The following PHF21A variants were observed in gnomAD, a reference collection of about 807,000 sequenced individuals.
PHF21A encodes the protein BHC80a.
In PHF21A, 11 loss-of-function variants were observed where a neutral mutation model predicts 82.5. That is an observed-to-expected ratio of 0.13 (90% CI 0.08 to 0.22). PHF21A has a LOEUF of 0.22. Among genes scored for constraint, PHF21A ranks in the 10% least tolerant of loss-of-function variants. The probability of loss-of-function intolerance (pLI) is 1.00; values close to 1 mark genes in which losing one functional copy is unlikely to be tolerated. For synonymous variants in PHF21A, 297 were observed against 302.8 expected (o/e 0.98, Z 0.20); for missense variants, 579 against 837.8 (o/e 0.69, Z 3.81).
At chr11:45,958,353 A>T (rs1382865984) in intron 10 of PHF21A, among the ~76,000 whole-genome samples, 5 of 132,622 alleles carry the variant, frequency 3.8e-5, no homozygotes, top group African/African-American at 1.4e-4. Context: ...GCTTGAGCTC[A>T]GGGGTTCAAG....
intron 6 of PHF21A, among the ~76,000 whole-genome samples, chr11:46,015,797 A>T (rs1274474919): frequency 6.6e-6 from 1 of 152,146 alleles, no homozygotes; most frequent in Non-Finnish European, 1.5e-5. Context: ...GTCTTCACAG[A>T]CAACAACATC....
intron 4 of PHF21A, among the ~76,000 whole-genome samples, chr11:46,083,055 A>G (rs1395235221): frequency 6.6e-6 from 1 of 152,206 alleles, no homozygotes; most frequent in East Asian, 1.9e-4. Flanking sequence ...CTTGCCATTC[A>G]GCCAAACTGG....
intron 10 of PHF21A, among the ~76,000 whole-genome samples, chr11:45,956,404 GA>G (rs1159307590): frequency 1.3e-5 from 2 of 152,092 alleles, no homozygotes; most frequent in Admixed American, 1.3e-4. Context: ...CAACATAAAG[GA>G]GGGGCAGAGC....
intron 6 of PHF21A, among the ~76,000 whole-genome samples, chr11:46,061,647 C>T (rs1446760109): frequency 6.6e-6 from 1 of 152,112 alleles, no homozygotes; most frequent in Non-Finnish European, 1.5e-5. Flanking sequence ...ATATATTGGT[C>T]CACTTTCTTA....
At chr11:46,058,748 C>T (rs1270333945) in intron 6 of PHF21A, among the ~76,000 whole-genome samples, 1 of 152,108 alleles carries the variant, frequency 6.6e-6, no homozygotes, top group East Asian at 1.9e-4. Flanking sequence ...AATATGGTCC[C>T]CTGGCTCAAA....
chr11:46,022,814 G>A (rs949834070), intron 6 of PHF21A, among the ~76,000 whole-genome samples: 5 of 151,946 alleles, frequency 3.3e-5, no homozygotes, highest in Admixed American at 6.5e-5. Flanking sequence ...ACGGAGTCTC[G>A]GTCTATTACC....
chr11:46,111,258 C>A (rs1430001025), intron 1 of PHF21A, among the ~76,000 whole-genome samples: 1 of 151,304 alleles, frequency 6.6e-6, no homozygotes, highest in Admixed American at 6.6e-5. Context: ...CACTTGAGGC[C>A]AAGAGTTAAG....
At chr11:46,076,724 A>C in intron 6 of PHF21A, 30 bp downstream of exon 6, 1 of 1,581,554 alleles carries the variant, frequency 6.3e-7, no homozygotes, top group Non-Finnish European at 8.7e-7. Context: ...CACAACGTTA[A>C]AAATATGCCC....
intron 1 of PHF21A, among the ~76,000 whole-genome samples, chr11:46,107,487 G>A (rs1488890126): frequency 6.6e-6 from 1 of 152,176 alleles, no homozygotes; most frequent in Non-Finnish European, 1.5e-5. Flanking sequence ...GGTAAAAAAC[G>A]TTGACTACTC....
At chr11:46,061,204 T>A (rs986833171) in intron 6 of PHF21A, among the ~76,000 whole-genome samples, 5 of 152,228 alleles carry the variant, frequency 3.3e-5, no homozygotes, top group African/African-American at 1.2e-4. Flanking sequence ...TTTTGGTCAC[T>A]GTGACCCTGT....
At chr11:46,084,814 G>C (rs1335687508) in intron 3 of PHF21A, among the ~76,000 whole-genome samples, 1 of 151,894 alleles carries the variant, frequency 6.6e-6, no homozygotes, top group Non-Finnish European at 1.5e-5. Flanking sequence ...AGAGTAGCTG[G>C]GACTACAGGC....
chr11:45,971,890 C>CTTTCT lies in PHF21A; in HGVS notation c.361-524_361-523insAGAAA, dbSNP rs57081937. Among the ~76,000 whole-genome samples, 41 of 50,262 alleles carry CTTTCT rather than the reference C, an allele frequency of 8.2e-4. 7 individuals are homozygous for CTTTCT. Among genetic ancestry groups the CTTTCT allele is most frequent in the Admixed American group, 3.2e-3 (10 of 3,142 alleles). 33.0% of individuals were successfully genotyped at this position (50,262 alleles called of 152,430 possible). The stretch of plus-strand genomic sequence containing the variant: ...GTAAAAGGACAGTGTCTTTTTCTTT[C>CTTTCT]TTTTTTTTTTTTTTTATGGTGTCAC... On this transcript the variant is annotated intron_variant, in intron 7 of 18. Transcript: ENST00000676320.
chr11:45,940,935 T>C (rs1259998972), intron 15 of PHF21A, among the ~76,000 whole-genome samples: 1 of 152,134 alleles, frequency 6.6e-6, no homozygotes, highest in Non-Finnish European at 1.5e-5. Context: ...AGACAGAAAA[T>C]AAAAATTAAA....
Position 45,931,356 on chromosome 11 carries a change from C to T in PHF21A, c.*2612G>A, listed in dbSNP as rs2087643886. 1 of 152,222 alleles carries T rather than the reference C, an allele frequency of 6.6e-6. No homozygotes were observed. Among genetic ancestry groups the T allele is most frequent in the Admixed American group, 6.5e-5 (1 of 15,278 alleles). 9.4% of individuals were successfully genotyped at this position (152,222 alleles called of 1,614,324 possible). On this transcript the variant is annotated 3_prime_UTR_variant, in exon 19 of 19. Transcript: ENST00000676320. Reference sequence around the variant, plus strand: ...ACAGGGCAGACAGCCTGCTGCTGGTCTCTGATCCTCTGCCAACGATTCCTC... The same window carrying T: ...ACAGGGCAGACAGCCTGCTGCTGGTTTCTGATCCTCTGCCAACGATTCCTC...
chr11:46,035,728 A>T (rs1846041966), intron 6 of PHF21A, among the ~76,000 whole-genome samples: 1 of 152,224 alleles, frequency 6.6e-6, no homozygotes, highest in Admixed American at 6.5e-5. Flanking sequence ...GGGGAGGAGA[A>T]CAGTGTCTCA....
rs1205289959 is a variant in PHF21A at position 45,933,797 on chromosome 11, A to G, written c.*171T>C. The stretch of plus-strand genomic sequence containing the variant: ...TGCATGTACACACAGAATAAGAAGG[A>G]TCAATTGGCAAACTCTGGTGCCACC... On this transcript the variant is annotated 3_prime_UTR_variant, in exon 19 of 19. Transcript: ENST00000676320. 1 of 571,070 alleles carries G rather than the reference A, an allele frequency of 1.8e-6. No homozygotes were observed. Among genetic ancestry groups the G allele is most frequent in the African/African-American group, 1.9e-5 (1 of 52,550 alleles). The allele number at this position is 571,070 out of a possible 1,614,324, so 35.4% of individuals were successfully genotyped here.
At chr11:46,032,479 G>GT (rs200356197) in intron 6 of PHF21A, among the ~76,000 whole-genome samples, 18,376 of 123,326 alleles carry the variant, frequency 0.15, 1,345 homozygotes, top group African/African-American at 0.3. Context: ...TACACCAAAT[G>GT]TTTTTTTCAA....
At position 46,108,287 on chromosome 11, in the gene PHF21A, T is replaced by C. The variant is rs1452117078; in HGVS notation, c.-237+12648A>G. ...AATGATGCCTCCTAAATTACTTATA[T>C]AGGACAGAAAACAATGTTGTCATTT... On this transcript the variant is annotated intron_variant, in intron 1 of 18. Coordinates refer to ENST00000676320, the MANE Select transcript of PHF21A (RefSeq NM_001352027.3). Among the ~76,000 whole-genome samples the C allele has an allele frequency of 4.6e-5, 7 of 152,220 alleles. No individual in the cohort carries two copies. The South Asian group carries it at 1.0e-3, about 23-fold the overall frequency.
intron 10 of PHF21A, among the ~76,000 whole-genome samples, chr11:45,961,032 G>A (rs944723041): frequency 7.5e-4 from 114 of 152,200 alleles, no homozygotes; most frequent in African/African-American, 2.6e-3. Flanking sequence ...TATCATGCTT[G>A]TCTTACTTAT....
Sources: gnomAD v4.1 joint callset for allele counts (sites outside exome capture counted in the v4.1 genomes callset) on GRCh38, gnomAD v4.1.1 for gene constraint, MANE v1.5 for transcripts, NCBI Gene and HGNC (gene_info 2026-07-23, HGNC 2026-07-21) for gene names.